ANK1: variants seen among roughly 807,000 people sequenced by gnomAD.
ANK1 encodes the protein ankyrin-1.
In ANK1, 51 loss-of-function variants were observed where a neutral mutation model predicts 210.4. The ratio of observed to expected loss-of-function variants is 0.24; its 90% CI spans 0.19 to 0.31. The LOEUF (loss-of-function observed/expected upper bound fraction) is 0.31. ANK1 is among the 10% of genes least tolerant of loss of function. The pLI is 1.00. For missense variants in ANK1, 2,051 were observed against 2,504.4 expected (o/e 0.82, Z 3.86); for synonymous variants, 967 against 1,025.9 (o/e 0.94, Z 1.10).
intron 17 of ANK1, among the ~76,000 whole-genome samples, chr8:41,707,757 G>T (rs2355255): frequency 1.9e-4 from 29 of 152,272 alleles, no homozygotes; most frequent in African/African-American, 5.5e-4. Flanking sequence ...AGAATGGTTC[G>T]CTCATTGGGG....
intron 1 of ANK1, among the ~76,000 whole-genome samples, chr8:41,862,757 C>T (rs1813537570): frequency 6.6e-6 from 1 of 151,740 alleles, no homozygotes; most frequent in Non-Finnish European, 1.5e-5. Context: ...CACCTGTAAT[C>T]CCAGCACTTT....
chr8:41,768,648 A>G (rs1842365648), intron 1 of ANK1, among the ~76,000 whole-genome samples: 1 of 152,138 alleles, frequency 6.6e-6, no homozygotes, highest in South Asian at 2.1e-4. Flanking sequence ...AAGATTCCTA[A>G]CAATAGTGTA....
chr8:41,661,967 G>C (rs1402270770), intron 40 of ANK1, 26 bp from the exon 41 acceptor site: 5 of 1,612,416 alleles, frequency 3.1e-6, no homozygotes, highest in Admixed American at 3.3e-5. Flanking sequence ...AAGGAGGAAA[G>C]GGCTGGTCAG....
rs77646170 is a variant in ANK1, at chr8:41,896,687, G to C, written c.-207C>G. On this transcript the variant is annotated 5_prime_UTR_variant, in exon 1 of 43. Transcript: ENST00000265709. ...GCGAGGGGCGGCTGCCCGCGGCCCG[G>C]GATGGCGCTGCCGCCGCGGCCGGAG... 0.24 allele frequency: 115,456 copies of C among 481,362 alleles called. 14,407 individuals are homozygous for C. The highest frequency in any genetic ancestry group is 0.26 in the African/African-American group (12,740 of 48,208). 29.8% of individuals were successfully genotyped at this position (481,362 alleles called of 1,614,324 possible). A position where few individuals can be genotyped will look rare whatever the true frequency, so the allele number is the denominator to read the frequency against.
chr8:41,709,057 G>A, intron 16 of ANK1, 82 bp from the exon 17 acceptor site: 1 of 1,554,698 alleles, frequency 6.4e-7, no homozygotes, highest in Non-Finnish European at 8.8e-7. Flanking sequence ...GGCTGAGTCT[G>A]GTTCTTGGCC....
At chr8:41,866,648 G>A (rs1198991076) in intron 1 of ANK1, among the ~76,000 whole-genome samples, 1 of 152,150 alleles carries the variant, frequency 6.6e-6, no homozygotes, top group Non-Finnish European at 1.5e-5. Context: ...TTCTCCCACT[G>A]GAAATCACTG....
chr8:41,816,753 T>C (rs867675446), intron 1 of ANK1, among the ~76,000 whole-genome samples: 1 of 152,212 alleles, frequency 6.6e-6, no homozygotes, highest in African/African-American at 2.4e-5. Context: ...TTTACCAAAT[T>C]TTATCGGTTA....
chr8:41,752,655 C>T (rs73619385), intron 2 of ANK1, among the ~76,000 whole-genome samples: 5,645 of 152,214 alleles, frequency 0.037, 348 homozygotes, highest in African/African-American at 0.13. Context: ...AGCCAGCCCT[C>T]GGAAAGTCTT....
intron 1 of ANK1, among the ~76,000 whole-genome samples, chr8:41,854,941 C>T (rs1811914995): frequency 7.0e-6 from 1 of 142,214 alleles, no homozygotes; most frequent in South Asian, 2.3e-4. Context: ...GAATGCAACC[C>T]TATCTCAAAA....
intron 31 of ANK1, among the ~76,000 whole-genome samples, chr8:41,691,169 T>C (rs910882779): frequency 6.6e-6 from 1 of 152,056 alleles, no homozygotes; most frequent in East Asian, 1.9e-4. Flanking sequence ...AAGGCTGCAG[T>C]GGGCTATGAT....
intron 2 of ANK1, among the ~76,000 whole-genome samples, chr8:41,747,107 G>C (rs553669135): frequency 8.5e-5 from 13 of 152,288 alleles, no homozygotes; most frequent in African/African-American, 2.9e-4. Flanking sequence ...TACAGAAAAA[G>C]TAATATGCCA....
intron 1 of ANK1, chr8:41,803,404 T>A (rs1328272067): frequency 6.6e-6 from 1 of 152,230 alleles, no homozygotes; most frequent in Non-Finnish European, 1.5e-5. Context: ...AGTTACAGAT[T>A]TATTTGTTCC....
chr8:41,887,568 C>G (rs1238193744), intron 1 of ANK1, among the ~76,000 whole-genome samples: 1 of 152,140 alleles, frequency 6.6e-6, no homozygotes, highest in African/African-American at 2.4e-5. Context: ...TTATTTTGAA[C>G]AATTATTAAA....
At chr8:41,819,999 A>T (rs1269095514) in intron 1 of ANK1, among the ~76,000 whole-genome samples, 1 of 152,182 alleles carries the variant, frequency 6.6e-6, no homozygotes, top group Non-Finnish European at 1.5e-5. Context: ...CCGCCCTGGG[A>T]GTCTCCTCCT....
chr8:41,730,282 G>C (rs955650072), intron 3 of ANK1, among the ~76,000 whole-genome samples: 7 of 152,152 alleles, frequency 4.6e-5, no homozygotes, highest in Non-Finnish European at 7.4e-5. Flanking sequence ...GCTCAGTTCT[G>C]TTTCTTGTAC....
At chr8:41,847,558 T>C (rs771796374) in intron 1 of ANK1, among the ~76,000 whole-genome samples, 8 of 152,152 alleles carry the variant, frequency 5.3e-5, no homozygotes, top group Admixed American at 2.0e-4. Flanking sequence ...AGGAGCTATA[T>C]AAGCATCACC....
chr8:41,845,432 C>T (rs1002553387), intron 1 of ANK1, among the ~76,000 whole-genome samples: 1 of 151,828 alleles, frequency 6.6e-6, no homozygotes, highest in Non-Finnish European at 1.5e-5. Context: ...CTGAACCAAT[C>T]GACTGGCGAT....
chr8:41,688,713 G>A (rs373367548), intron 33 of ANK1, 124 bp from the exon 34 acceptor site: 25 of 823,406 alleles, frequency 3.0e-5, no homozygotes, highest in African/African-American at 1.0e-4. Flanking sequence ...CAATCAGTCC[G>A]TTTCTTCAGG....
intron 38 of ANK1, among the ~76,000 whole-genome samples, chr8:41,672,144 C>A (rs1758230385): frequency 1.3e-5 from 2 of 152,212 alleles, no homozygotes; most frequent in South Asian, 2.1e-4. Context: ...GCCGGGCATA[C>A]CTGGTGGGGT....
Sources: allele counts gnomAD v4.1 joint callset (sites outside exome capture counted in the v4.1 genomes callset), GRCh38; gene constraint gnomAD v4.1.1; transcripts MANE v1.5; gene names NCBI Gene and HGNC (gene_info 2026-07-23, HGNC 2026-07-21).